TOM1L1: variants seen among roughly 807,000 people sequenced by gnomAD.
TOM1L1 encodes target of myb1 like 1 membrane trafficking protein.
In TOM1L1, 64 loss-of-function variants were observed where a neutral mutation model predicts 63.4. That is an observed-to-expected ratio of 1.01 (90% CI 0.83 to 1.24). The LOEUF is 1.24. Ranked by LOEUF, TOM1L1 falls within the 50% of genes most tolerant of loss-of-function variation. The pLI, the probability that TOM1L1 is intolerant of heterozygous loss-of-function variation, is 0.00. For synonymous variants in TOM1L1, 166 were observed against 194.4 expected (o/e 0.85, Z 1.22); for missense variants, 536 against 567.0 (o/e 0.95, Z 0.55).
chr17:54,941,864 C>T (rs1164785979), intron 11 of TOM1L1, among the ~76,000 whole-genome samples: 5 of 152,080 alleles, frequency 3.3e-5, no homozygotes, highest in Non-Finnish European at 7.4e-5. Flanking sequence ...TTGAGAAACC[C>T]TATGATGAAC....
intron 7 of TOM1L1, among the ~76,000 whole-genome samples, chr17:54,924,283 C>CTTTTTTT (rs35210443): frequency 7.3e-6 from 1 of 137,536 alleles, no homozygotes; most frequent in East Asian, 2.1e-4. Context: ...TTTCTTTTTT[C>CTTTTTTT]TTTTTTTTTT....
chr17:54,945,690 G>C (rs1377022944), intron 11 of TOM1L1, among the ~76,000 whole-genome samples: 1 of 150,632 alleles, frequency 6.6e-6, no homozygotes, highest in Non-Finnish European at 1.5e-5. Flanking sequence ...TTTTAATTCA[G>C]TTATTGTAGT....
In TOM1L1 at chr17:54,906,933, A is replaced by C. The variant is rs372489679; in HGVS notation, c.222+1366A>C. Reference sequence around the variant, plus strand: ...GCATGGTCACGGCACTAATCAGCCAACATCACGCTGCGTTAGGAGCATTAG... The same window carrying C: ...GCATGGTCACGGCACTAATCAGCCACCATCACGCTGCGTTAGGAGCATTAG... On this transcript the variant is annotated intron_variant, in intron 3 of 15. Coordinates refer to ENST00000575882, the MANE Select transcript of TOM1L1 (RefSeq NM_005486.3). 5.9e-5 allele frequency: 26 copies of C among 443,900 alleles called. No homozygotes were observed. In the East Asian group the frequency reaches 3.1e-3, roughly 53 times the overall value. The allele number at this position is 443,900 out of a possible 1,614,324, so 27.5% of individuals were successfully genotyped here. A position where few individuals can be genotyped will look rare whatever the true frequency, so the allele number is the denominator to read the frequency against.
chr17:54,928,117 C>T (rs1043481764), intron 7 of TOM1L1, among the ~76,000 whole-genome samples: 2 of 152,070 alleles, frequency 1.3e-5, no homozygotes, highest in African/African-American at 4.8e-5. Context: ...TCATTCATTA[C>T]GGGGGTTATA....
chr17:54,905,608 C>G, intron 3 of TOM1L1, 41 bp downstream of exon 3: 1 of 1,264,906 alleles, frequency 7.9e-7, no homozygotes, highest in Admixed American at 1.9e-5. Flanking sequence ...GAGGATTTCT[C>G]AAGCTATAGT....
At position 54,949,541 on chromosome 17, in the gene TOM1L1, G is replaced by A. The variant is rs1313955786; in HGVS notation, c.1206G>A (p.Val402=). The part of the protein sequence containing the change: ...YDNFLEHSNS[V]FLQPVSLQTI... Reference sequence around the variant, plus strand: ...AGTTTCTGGAACATTCAAATTCAGTGTTTCTACAGCCAGTTAGTCTACAAA... The same window carrying A: ...AGTTTCTGGAACATTCAAATTCAGTATTTCTACAGCCAGTTAGTCTACAAA... The change falls in exon 13 of 16, where the codon GTG becomes GTA. Residue 402 remains valine (V), a synonymous_variant. Coordinates refer to ENST00000575882, the MANE Select transcript of TOM1L1 (RefSeq NM_005486.3). 1.2e-6 allele frequency: 2 copies of A among 1,613,758 alleles called. No individual in the cohort carries two copies. The highest frequency in any genetic ancestry group is 1.7e-6 in the Non-Finnish European group (2 of 1,179,844).
chr17:54,944,930 G>A (rs1232584040), intron 11 of TOM1L1, among the ~76,000 whole-genome samples: 1 of 151,840 alleles, frequency 6.6e-6, no homozygotes, highest in Non-Finnish European at 1.5e-5. Flanking sequence ...GTTTCCTGGG[G>A]CTGTCATAAC....
At chr17:54,909,647 C>G (rs1034076986) in intron 3 of TOM1L1, among the ~76,000 whole-genome samples, 2 of 152,156 alleles carry the variant, frequency 1.3e-5, no homozygotes, top group African/African-American at 4.8e-5. Context: ...GGCCTTACAA[C>G]AAGTCTCTAG....
intron 8 of TOM1L1, 71 bp from the exon 9 acceptor site, chr17:54,936,578 A>G (rs531506689): frequency 7.8e-7 from 1 of 1,289,762 alleles, no homozygotes; most frequent in African/African-American, 1.5e-5. Flanking sequence ...TTGTGTATTA[A>G]TAATTGTTAG....
chr17:54,912,897 T>C, intron 4 of TOM1L1, 82 bp downstream of exon 4: 1 of 1,224,114 alleles, frequency 8.2e-7, no homozygotes, highest in East Asian at 2.7e-5. Context: ...GTTTCACTTA[T>C]CTTTTATATA....
chr17:54,955,438 C>A lies in TOM1L1; in HGVS notation c.1371-5128C>A, dbSNP rs559148747. 2.0e-5 allele frequency among the ~76,000 whole-genome samples: 3 copies of A among 152,246 alleles called. No individual in the cohort carries two copies. In the South Asian group the frequency reaches 6.2e-4, roughly 32 times the overall value. On this transcript the variant is annotated intron_variant, in intron 14 of 15. Transcript: ENST00000575882. ...GATCATGATCCCACCAAAACTGCCC[C>A]CTTTGAAACTTGGGTCTCCTCATCA...
chr17:54,960,690 T>A (rs1346079899), intron 15 of TOM1L1, 63 bp downstream of exon 15: 1 of 1,269,686 alleles, frequency 7.9e-7, no homozygotes, highest in African/African-American at 1.5e-5. Flanking sequence ...TAATTATCAC[T>A]TTACATATTT....
Position 54,949,375 on chromosome 17 carries a change from A to T in TOM1L1, c.1183-143A>T, listed in dbSNP as rs191585350. 1.4e-4 allele frequency: 85 copies of T among 607,066 alleles called. No individual in the cohort carries two copies. In the East Asian group the frequency reaches 2.4e-3, roughly 17 times the overall value. The allele number at this position is 607,066 out of a possible 1,614,324, so 37.6% of individuals were successfully genotyped here. The stretch of plus-strand genomic sequence containing the variant: ...CTCGTAAGTGATTATTACCTAAAAA[A>T]ACTAAAGTAATAATTAAAAACAACT... On this transcript the variant is annotated intron_variant, in intron 12 of 15. Coordinates refer to ENST00000575882, the MANE Select transcript of TOM1L1 (RefSeq NM_005486.3).
At chr17:54,951,006 A>T (rs1025457404) in intron 14 of TOM1L1, among the ~76,000 whole-genome samples, 12 of 152,120 alleles carry the variant, frequency 7.9e-5, no homozygotes, top group African/African-American at 2.9e-4. Context: ...ATCTACCTGG[A>T]GATAGTGTCA....
intron 15 of TOM1L1, 83 bp downstream of exon 15, chr17:54,960,710 A>G (rs1442391328): frequency 9.0e-7 from 1 of 1,109,412 alleles, no homozygotes; most frequent in African/African-American, 1.6e-5. Context: ...TAGTATTTAA[A>G]TTTTCTAAGG....
At chr17:54,924,996 G>A (rs1275175578) in intron 7 of TOM1L1, among the ~76,000 whole-genome samples, 7 of 152,080 alleles carry the variant, frequency 4.6e-5, no homozygotes, top group Non-Finnish European at 7.3e-5. Context: ...GGCTATTCTC[G>A]TCCCTTGACC....
intron 7 of TOM1L1, among the ~76,000 whole-genome samples, chr17:54,918,981 A>T (rs2048636718): frequency 6.6e-6 from 1 of 152,192 alleles, no homozygotes; most frequent in Non-Finnish European, 1.5e-5. Context: ...TTATTTTTGG[A>T]ATATCTTAGA....
chr17:54,943,760 T>G (rs1489548473), intron 11 of TOM1L1, among the ~76,000 whole-genome samples: 1 of 151,480 alleles, frequency 6.6e-6, no homozygotes, highest in Non-Finnish European at 1.5e-5. Flanking sequence ...GGGCAGATCA[T>G]GAGATCAGGA....
chr17:54,929,571 T>A (rs940710198), intron 7 of TOM1L1, among the ~76,000 whole-genome samples: 2 of 152,208 alleles, frequency 1.3e-5, no homozygotes, highest in African/African-American at 4.8e-5. Context: ...GTATTTTAAC[T>A]ACTTCTGCTA....
Sources: allele counts gnomAD v4.1 joint callset (sites outside exome capture counted in the v4.1 genomes callset), GRCh38; gene constraint gnomAD v4.1.1; transcripts MANE v1.5; gene names NCBI Gene and HGNC (gene_info 2026-07-23, HGNC 2026-07-21).